Variants in ADH6 observed in about 807,000 individuals in gnomAD.
ADH6 encodes alcohol dehydrogenase 6 (class V).
Under a neutral mutation model 36.5 loss-of-function variants are expected in ADH6, and 34 were observed. The ratio of observed to expected loss-of-function variants is 0.93; its 90% CI spans 0.71 to 1.24. The LOEUF (loss-of-function observed/expected upper bound fraction) is 1.24, where lower values mean the gene tolerates loss of function less well. Among genes scored for constraint, ADH6 ranks in the 50% most tolerant of loss-of-function variants. ADH6 has a pLI of 0.00. For synonymous variants in ADH6, 161 were observed against 155.5 expected, an observed-to-expected ratio of 1.04 and a Z score of -0.26; for missense variants, 440 against 447.0, an observed-to-expected ratio of 0.98 and a Z score of 0.14.
intron 2 of ADH6, among the ~76,000 whole-genome samples, chr4:99,214,337 A>G (rs1285880029): frequency 6.6e-6 from 1 of 152,126 alleles, no homozygotes; most frequent in Non-Finnish European, 1.5e-5. Context: ...GGCTGCAGTG[A>G]GCTATGATTT....
At chr4:99,210,603 CA>C in intron 3 of ADH6, 101 bp from the exon 4 acceptor site, 1 of 852,312 alleles carries the variant, frequency 1.2e-6, no homozygotes. Flanking sequence ...GAAGAAATGA[CA>C]GCTGAAAATT....
chr4:99,206,346 G>A (rs1219411864), intron 7 of ADH6, among the ~76,000 whole-genome samples: 1 of 152,066 alleles, frequency 6.6e-6, no homozygotes, highest in East Asian at 1.9e-4. Flanking sequence ...CACTATATGA[G>A]TGCTAGAGTG....
At chr4:99,204,440 G>A (rs1211937672) in intron 8 of ADH6, 197 bp from the exon 9 acceptor site, 5 of 1,388,960 alleles carry the variant, frequency 3.6e-6, no homozygotes, top group Non-Finnish European at 4.6e-6. Flanking sequence ...AGGTAAGCAA[G>A]CTTATACTCG....
chr4:99,213,011 A>G (rs1731280922), intron 3 of ADH6, among the ~76,000 whole-genome samples: 1 of 151,768 alleles, frequency 6.6e-6, no homozygotes, highest in Non-Finnish European at 1.5e-5. Flanking sequence ...GTGTTCTCCC[A>G]TGTTATTTTA....
chr4:99,204,320 T>C (rs1019846422), intron 8 of ADH6, 77 bp from the exon 9 acceptor site: 122 of 1,572,664 alleles, frequency 7.8e-5, no homozygotes, highest in Non-Finnish European at 9.6e-5. Context: ...AAATTCTCAC[T>C]TTGTAGAGCA....
rs771006984 is a variant in ADH6, at chr4:99,204,239, G to C, written c.1108C>G (p.Arg370Gly). 2 of 1,600,038 alleles carry C rather than the reference G, an allele frequency of 1.2e-6. No individual in the cohort carries two copies. The highest frequency in any genetic ancestry group is 1.7e-5 in the Admixed American group (1 of 59,272). ...TGTACTTAAAGTAACAGGATACAGC[G>C]GATACTGAAAAAAAGAAGAAGAGAA... ...VELMKTGKCI[R>G]CILLL Residue 370 changes from arginine to glycine, a missense_variant, in exon 9 of 9, where the codon CGC becomes GGC. Arg to Gly is a moderately radical substitution (Grantham distance 125, BLOSUM62 -2). Coordinates refer to ENST00000394899, the MANE Select transcript of ADH6 (RefSeq NM_001102470.2).
chr4:99,217,546 A>T (rs1731492619), intron 1 of ADH6, among the ~76,000 whole-genome samples: 1 of 152,152 alleles, frequency 6.6e-6, no homozygotes, highest in Non-Finnish European at 1.5e-5. Flanking sequence ...AGATGACAGG[A>T]TCTCATTCTT....
In ADH6 at chr4:99,216,378, C is replaced by A. The variant is rs1202201433; in HGVS notation, c.19-116G>T. 23 of 468,392 alleles carry A rather than the reference C, an allele frequency of 4.9e-5. No homozygotes were observed. In the East Asian group the frequency reaches 7.1e-4, roughly 14 times the overall value. 29.0% of individuals were successfully genotyped at this position (468,392 alleles called of 1,614,324 possible). ...TGGATTAGTCCAACTTTCCGCACTG[C>A]AGAAAAAAAAAAGAATAAATATATG... is the stretch of plus-strand genomic sequence containing the variant. On this transcript the variant is annotated intron_variant, in intron 1 of 8. Coordinates refer to ENST00000394899, the MANE Select transcript of ADH6 (RefSeq NM_001102470.2).
chr4:99,218,159 T>C (rs992109780), intron 1 of ADH6, among the ~76,000 whole-genome samples: 4 of 152,226 alleles, frequency 2.6e-5, no homozygotes, highest in African/African-American at 9.6e-5. Context: ...CTCAACATGT[T>C]AAAACATGAA....
chr4:99,212,405 A>C (rs1479790856), intron 3 of ADH6, among the ~76,000 whole-genome samples: 1 of 152,136 alleles, frequency 6.6e-6, no homozygotes, highest in Non-Finnish European at 1.5e-5. Flanking sequence ...ATGTGATATT[A>C]TGTGTATATA....
chr4:99,217,358 T>C (rs1731484752), intron 1 of ADH6, among the ~76,000 whole-genome samples: 1 of 152,142 alleles, frequency 6.6e-6, no homozygotes, highest in Non-Finnish European at 1.5e-5. Flanking sequence ...TTTCACCCAC[T>C]TCTCATCATC....
chr4:99,205,094 A>T, intron 7 of ADH6, 31 bp from the exon 8 acceptor site: 1 of 1,535,626 alleles, frequency 6.5e-7, no homozygotes, highest in Non-Finnish European at 8.7e-7. Flanking sequence ...TGAATTTTAC[A>T]CATGAGGCTT....
chr4:99,204,775 G>T, intron 8 of ADH6, 150 bp downstream of exon 8: 2 of 1,325,134 alleles, frequency 1.5e-6, no homozygotes, highest in South Asian at 2.4e-5. Flanking sequence ...ATGCAGAGGG[G>T]AAGGAGATGC....
intron 3 of ADH6, among the ~76,000 whole-genome samples, chr4:99,212,739 G>C (rs1435995493): frequency 6.6e-6 from 1 of 151,390 alleles, no homozygotes; most frequent in African/African-American, 2.4e-5. Flanking sequence ...ACACATATAT[G>C]TGTATATATA....
At chr4:99,206,476 GAA>G (rs1731038769) in intron 7 of ADH6, among the ~76,000 whole-genome samples, 1 of 151,920 alleles carries the variant, frequency 6.6e-6, no homozygotes, top group Admixed American at 6.6e-5. Flanking sequence ...ACAATAGAGA[GAA>G]ATGGCAATGG....
Position 99,209,058 on chromosome 4 carries a change from A to G in ADH6, c.568-130T>C. ...TCATAAGCAAATGATGTTTACATAC[A>G]TAACATATTATAACTACAAAGTTTT... On this transcript the variant is annotated intron_variant, in intron 5 of 8. Transcript: ENST00000394899. The G allele has an allele frequency of 5.5e-6, 5 of 901,832 alleles. No individual in the cohort carries two copies. In the South Asian group the frequency reaches 9.0e-5, roughly 16 times the overall value. The allele number at this position is 901,832 out of a possible 1,614,324, so 55.9% of individuals were successfully genotyped here. A position where few individuals can be genotyped will look rare whatever the true frequency, so the allele number is the denominator to read the frequency against.
intron 8 of ADH6, chr4:99,204,721 A>G (rs1730958092): frequency 7.9e-7 from 1 of 1,272,892 alleles, no homozygotes; most frequent in South Asian, 3.0e-5. Flanking sequence ...GAACACTTAA[A>G]TACTTTCAGG....
intron 3 of ADH6, among the ~76,000 whole-genome samples, chr4:99,213,275 T>C (rs1731289258): frequency 6.7e-6 from 1 of 149,960 alleles, no homozygotes; most frequent in Non-Finnish European, 1.5e-5. Flanking sequence ...ATGTGTTTGA[T>C]TATTTATCAT....
At chr4:99,214,343 G>A (rs1731328569) in intron 2 of ADH6, among the ~76,000 whole-genome samples, 1 of 152,148 alleles carries the variant, frequency 6.6e-6, no homozygotes, top group East Asian at 1.9e-4. Context: ...AGTGAGCTAT[G>A]ATTTTGTACC....
Sources: gnomAD v4.1 joint callset for allele counts (sites outside exome capture counted in the v4.1 genomes callset) on GRCh38, gnomAD v4.1.1 for gene constraint, MANE v1.5 for transcripts, NCBI Gene and HGNC (gene_info 2026-07-23, HGNC 2026-07-21) for gene names.